Variants in UBXN7 observed in about 807,000 individuals in gnomAD.
The protein encoded by UBXN7 is UBX domain-containing protein 7.
A neutral mutation model predicts 58.0 loss-of-function variants in UBXN7; 9 were observed. The observed-to-expected ratio is 0.16, with a 90% confidence interval of 0.09 to 0.27. UBXN7 has a LOEUF of 0.27. Among genes scored for constraint, UBXN7 ranks in the 10% least tolerant of loss-of-function variants. The pLI is 1.00. For synonymous variants in UBXN7, 208 were observed against 205.0 expected (o/e 1.01, Z -0.12); for missense variants, 328 against 599.6 (o/e 0.55, Z 4.73).
intron 1 of UBXN7, among the ~76,000 whole-genome samples, chr3:196,410,699 G>C (rs747561580): frequency 9.2e-5 from 14 of 152,110 alleles, no homozygotes; most frequent in Non-Finnish European, 1.8e-4. Context: ...GCACACACCT[G>C]TAATCCCAGC....
chr3:196,431,718 C>T (rs1188881572), intron 1 of UBXN7: 3 of 440,976 alleles, frequency 6.8e-6, no homozygotes, highest in Non-Finnish European at 1.4e-5. Flanking sequence ...CCCTGAGGTC[C>T]TCCTCAGCAC....
At chr3:196,405,079 G>A (rs1025267996) in intron 2 of UBXN7, among the ~76,000 whole-genome samples, 1 of 152,108 alleles carries the variant, frequency 6.6e-6, no homozygotes, top group African/African-American at 2.4e-5. Context: ...CCGAGAGGAG[G>A]AGGTTGCAGT....
At chr3:196,424,992 G>A (rs1029284257) in intron 1 of UBXN7, among the ~76,000 whole-genome samples, 1 of 151,938 alleles carries the variant, frequency 6.6e-6, no homozygotes, top group African/African-American at 2.4e-5. Flanking sequence ...GTGAACCACC[G>A]CACCTAGCCC....
chr3:196,409,107 T>A (rs1259712106), intron 1 of UBXN7, among the ~76,000 whole-genome samples: 1 of 152,208 alleles, frequency 6.6e-6, no homozygotes, highest in Non-Finnish European at 1.5e-5. Context: ...GAGCTGTCTA[T>A]GGTGCATTGT....
rs929129135 is a variant in UBXN7 at position 196,355,502 on chromosome 3, T to C, written c.*1183A>G. 5.3e-5 allele frequency: 8 copies of C among 152,342 alleles called. No individual in the cohort carries two copies. The South Asian group carries it at 1.7e-3, about 32-fold the overall frequency. The allele number at this position is 152,342 out of a possible 1,614,324, so 9.4% of individuals were successfully genotyped here. A position where few individuals can be genotyped will look rare whatever the true frequency, so the allele number is the denominator to read the frequency against. On this transcript the variant is annotated 3_prime_UTR_variant, in exon 11 of 11. Transcript: ENST00000296328. ...ATCCTCCTTACTAAATGTTGTCTTC[T>C]GAATGGAGTTGAAAGGTCTTCCCCT...
Position 196,371,974 on chromosome 3 carries a change from T to C in UBXN7, c.537A>G (p.Ala179=), listed in dbSNP as rs1246536722. The C allele has an allele frequency of 2.5e-6, 4 of 1,613,860 alleles. No homozygotes were observed. The highest frequency in any genetic ancestry group is 1.6e-4 in the Middle Eastern group (1 of 6,084). Reference sequence around the variant, plus strand: ...ACACATCGCGGTTGAGGCACTGACATGCAAAGTCTTGAACATTTTGAATGT... The same window carrying C: ...ACACATCGCGGTTGAGGCACTGACACGCAAAGTCTTGAACATTTTGAATGT... ...MINIQNVQDF[A]CQCLNRDVWS... is the part of the protein sequence containing the mutation. The change falls in exon 6 of 11, where the codon GCA becomes GCG. Residue 179 remains alanine (A), a synonymous_variant. Coordinates refer to ENST00000296328, the MANE Select transcript of UBXN7 (RefSeq NM_015562.2).
intron 1 of UBXN7, among the ~76,000 whole-genome samples, chr3:196,417,141 G>C (rs942138803): frequency 4.6e-5 from 7 of 152,090 alleles, no homozygotes; most frequent in Admixed American, 2.6e-4. Flanking sequence ...GTGAAACCCC[G>C]TCTCTACTAA....
chr3:196,410,782 A>C (rs1000574520), intron 1 of UBXN7, among the ~76,000 whole-genome samples: 1 of 151,500 alleles, frequency 6.6e-6, no homozygotes, highest in Non-Finnish European at 1.5e-5. Context: ...AGATTACACC[A>C]CTGCACTCCA....
At chr3:196,363,309 C>T (rs879806616) in intron 8 of UBXN7, among the ~76,000 whole-genome samples, 8 of 151,248 alleles carry the variant, frequency 5.3e-5, no homozygotes, top group Non-Finnish European at 7.4e-5. Flanking sequence ...GGTCTAAGTT[C>T]CCCAGGCTGG....
intron 1 of UBXN7, among the ~76,000 whole-genome samples, chr3:196,417,253 A>G (rs148693709): frequency 0.017 from 2,662 of 152,276 alleles, 81 homozygotes; most frequent in African/African-American, 0.06. Flanking sequence ...CGGAGCTTGC[A>G]GTGAGCCGAG....
intron 5 of UBXN7, among the ~76,000 whole-genome samples, chr3:196,378,788 T>C (rs901226900): frequency 6.6e-6 from 1 of 151,038 alleles, no homozygotes; most frequent in African/African-American, 2.4e-5. Flanking sequence ...TTTTGGGGGG[T>C]TTTAGCCAGC....
chr3:196,419,695 A>T (rs2108623713), intron 1 of UBXN7, among the ~76,000 whole-genome samples: 1 of 152,208 alleles, frequency 6.6e-6, no homozygotes, highest in South Asian at 2.1e-4. Flanking sequence ...ATGCCTGGGG[A>T]GTCGGGGATA....
intron 1 of UBXN7, among the ~76,000 whole-genome samples, chr3:196,408,097 C>CAAAAAAA (rs71621241): frequency 4.4e-5 from 2 of 45,238 alleles, no homozygotes; most frequent in Admixed American, 2.5e-4. Flanking sequence ...GACTCTGTCT[C>CAAAAAAA]AAAAAAAAAA....
intron 5 of UBXN7, among the ~76,000 whole-genome samples, chr3:196,375,935 A>C (rs540143360): frequency 6.6e-6 from 1 of 152,320 alleles, no homozygotes; most frequent in South Asian, 2.1e-4. Flanking sequence ...TAGCTGAGGT[A>C]CAAGTATTGC....
intron 1 of UBXN7, among the ~76,000 whole-genome samples, chr3:196,417,089 G>A (rs563947407): frequency 1.1e-4 from 17 of 152,274 alleles, no homozygotes; most frequent in Middle Eastern, 3.4e-3. Flanking sequence ...CGAGGCGGGC[G>A]GATCACAAGG....
intron 1 of UBXN7, among the ~76,000 whole-genome samples, chr3:196,427,981 G>A (rs771921320): frequency 1.2e-4 from 19 of 152,066 alleles, no homozygotes; most frequent in African/African-American, 3.4e-4. Context: ...AAAATCAGAC[G>A]GGCATGGTGG....
chr3:196,414,383 TG>T (rs1730419312), intron 1 of UBXN7, among the ~76,000 whole-genome samples: 1 of 152,200 alleles, frequency 6.6e-6, no homozygotes, highest in Admixed American at 6.5e-5. Flanking sequence ...AGCAAAATAA[TG>T]TAAGTTCAAT....
chr3:196,409,924 T>C (rs1199721602), intron 1 of UBXN7, among the ~76,000 whole-genome samples: 2 of 150,516 alleles, frequency 1.3e-5, no homozygotes, highest in South Asian at 2.1e-4. Flanking sequence ...TAACCAATAA[T>C]GTATTTTAAA....
At chr3:196,394,116 C>T (rs1216139885) in intron 3 of UBXN7, among the ~76,000 whole-genome samples, 1 of 151,856 alleles carries the variant, frequency 6.6e-6, no homozygotes, top group Admixed American at 6.6e-5. Context: ...TGGTGAGCCC[C>T]TGTCTCTACT....
Sources: gnomAD v4.1 joint callset for allele counts (sites outside exome capture counted in the v4.1 genomes callset) on GRCh38, gnomAD v4.1.1 for gene constraint, MANE v1.5 for transcripts, NCBI Gene and HGNC (gene_info 2026-07-23, HGNC 2026-07-21) for gene names.